The following KCNN2 variants were observed in gnomAD, a reference collection of about 807,000 sequenced individuals.
KCNN2 encodes the protein small conductance calcium-activated potassium channel protein 2.
In KCNN2, 24 loss-of-function variants were observed where a neutral mutation model predicts 55.5. The observed-to-expected ratio is 0.43, with a 90% CI of 0.31 to 0.61. KCNN2 has a LOEUF of 0.61. KCNN2 is among the 20% of genes least tolerant of loss of function. KCNN2 has a pLI of 0.08. For synonymous variants in KCNN2, 431 were observed against 336.1 expected (o/e 1.28, Z -3.09); for missense variants, 754 against 853.6 (o/e 0.88, Z 1.45).
chr5:114,319,302 T>C (rs1474746276), intron 2 of KCNN2, among the ~76,000 whole-genome samples: 1 of 152,060 alleles, frequency 6.6e-6, no homozygotes, highest in Non-Finnish European at 1.5e-5. Context: ...GGAGGCTTCT[T>C]AAGGGGATGA....
At chr5:114,121,036 C>T (rs1371828161) in intron 1 of KCNN2, among the ~76,000 whole-genome samples, 1 of 152,154 alleles carries the variant, frequency 6.6e-6, no homozygotes, top group African/African-American at 2.4e-5. Flanking sequence ...TTCTAAATTC[C>T]CCTATGATGT....
chr5:114,475,352 G>T (rs920978703), intron 5 of KCNN2, among the ~76,000 whole-genome samples: 2 of 151,750 alleles, frequency 1.3e-5, no homozygotes, highest in Non-Finnish European at 2.9e-5. Flanking sequence ...CTACACACTA[G>T]ATGCCAGTAG....
intron 3 of KCNN2, among the ~76,000 whole-genome samples, chr5:114,461,720 T>G: frequency 6.7e-6 from 1 of 148,848 alleles, no homozygotes. Context: ...TGGCATGGGA[T>G]GAGGGACAGG....
At chr5:114,236,642 C>A (rs998341170) in intron 2 of KCNN2, among the ~76,000 whole-genome samples, 2 of 152,080 alleles carry the variant, frequency 1.3e-5, no homozygotes, top group African/African-American at 4.8e-5. Context: ...TTGCTGCCCC[C>A]CTTCATCCAG....
rs369313849 is a variant in KCNN2 at position 114,100,640 on chromosome 5, G to A, written c.-271+44140G>A. On this transcript the variant is annotated intron_variant, in intron 1 of 10. Transcript: ENST00000512097. ...CTCTGCCCATCTTAAGGGCCAAGAG[G>A]CAATGAGTCCCCAGTGACAAGGAGA... Among the ~76,000 whole-genome samples the A allele has an allele frequency of 1.1e-4, 17 of 152,182 alleles. No homozygotes were observed. The East Asian group carries it at 2.1e-3, about 19-fold the overall frequency.
chr5:114,108,920 T>A (rs1343746152), intron 1 of KCNN2, among the ~76,000 whole-genome samples: 2 of 152,112 alleles, frequency 1.3e-5, no homozygotes, highest in Non-Finnish European at 2.9e-5. Flanking sequence ...AGATGTACAT[T>A]TGAAGTTATA....
chr5:114,368,808 CT>C (rs1376767284), intron 2 of KCNN2, among the ~76,000 whole-genome samples: 1 of 151,954 alleles, frequency 6.6e-6, no homozygotes, highest in Non-Finnish European at 1.5e-5. Context: ...ACACCCATAC[CT>C]TGCTTATATT....
At chr5:114,335,433 T>C (rs1052377556) in intron 2 of KCNN2, among the ~76,000 whole-genome samples, 3 of 152,218 alleles carry the variant, frequency 2.0e-5, no homozygotes, top group Admixed American at 6.5e-5. Context: ...CCTGCATTTC[T>C]TGCATGATGA....
intron 1 of KCNN2, among the ~76,000 whole-genome samples, chr5:114,095,716 C>T (rs764215505): frequency 6.6e-6 from 1 of 152,128 alleles, no homozygotes; most frequent in Non-Finnish European, 1.5e-5. Context: ...CTTGGCCTAC[C>T]TAACTCCTTT....
chr5:114,268,254 A>G (rs530175140), intron 2 of KCNN2, among the ~76,000 whole-genome samples: 1 of 152,286 alleles, frequency 6.6e-6, no homozygotes, highest in East Asian at 1.9e-4. Flanking sequence ...TTCTATTTAC[A>G]TTTTCCTGAT....
At chr5:114,072,819 C>T (rs1464544595) in intron 1 of KCNN2, among the ~76,000 whole-genome samples, 6 of 144,428 alleles carry the variant, frequency 4.2e-5, no homozygotes, top group African/African-American at 1.8e-4. Context: ...ACAGTATCTA[C>T]TTTATAAGGT....
chr5:114,220,102 G>C (rs919568806), intron 1 of KCNN2, among the ~76,000 whole-genome samples: 1 of 152,068 alleles, frequency 6.6e-6, no homozygotes, highest in Non-Finnish European at 1.5e-5. Flanking sequence ...GCTACTCTTC[G>C]GACTGTGTAA....
intron 1 of KCNN2, among the ~76,000 whole-genome samples, chr5:114,150,370 C>A (rs1480941724): frequency 6.6e-6 from 1 of 152,194 alleles, no homozygotes; most frequent in Non-Finnish European, 1.5e-5. Flanking sequence ...TGATCTTTGA[C>A]AAACCTGAAA....
chr5:114,108,144 G>C (rs986787963), intron 1 of KCNN2, among the ~76,000 whole-genome samples: 1 of 151,862 alleles, frequency 6.6e-6, no homozygotes, highest in Admixed American at 6.6e-5. Flanking sequence ...CATAGAACTG[G>C]TTTTGGTAGA....
chr5:114,361,108 G>A (rs1757406309), upstream of KCNN2: 1 of 152,262 alleles, frequency 6.6e-6, no homozygotes, highest in Admixed American at 6.5e-5. Flanking sequence ...AGGACCCGGC[G>A]GCCGGGGGCG....
At chr5:114,194,336 A>G (rs992528388) in intron 1 of KCNN2, among the ~76,000 whole-genome samples, 3 of 152,018 alleles carry the variant, frequency 2.0e-5, no homozygotes, top group African/African-American at 7.2e-5. Flanking sequence ...AAAGTTTCCA[A>G]TTTCTCCACA....
intron 1 of KCNN2, among the ~76,000 whole-genome samples, chr5:114,064,116 G>C (rs576503457): frequency 2.8e-4 from 43 of 152,278 alleles, no homozygotes; most frequent in African/African-American, 9.6e-4. Context: ...GGAGTGGCCT[G>C]GATGCTTATA....
chr5:114,493,562 A>C (rs569864762), intron 7 of KCNN2, 90 bp downstream of exon 7: 2 of 858,450 alleles, frequency 2.3e-6, no homozygotes, highest in Non-Finnish European at 4.0e-6. Flanking sequence ...AGAGGATCCC[A>C]ACCCAAATCT....
intron 2 of KCNN2, among the ~76,000 whole-genome samples, chr5:114,292,257 G>A (rs1219604764): frequency 1.3e-5 from 2 of 152,202 alleles, no homozygotes; most frequent in Non-Finnish European, 2.9e-5. Flanking sequence ...TAGACATGAA[G>A]TCCTTGTCCA....
Sources: gnomAD v4.1 joint callset for allele counts (sites outside exome capture counted in the v4.1 genomes callset) on GRCh38, gnomAD v4.1.1 for gene constraint, MANE v1.5 for transcripts, NCBI Gene and HGNC (gene_info 2026-07-23, HGNC 2026-07-21) for gene names.